The following AKAP13 variants were observed in gnomAD, a reference collection of about 807,000 sequenced individuals.
The protein encoded by AKAP13 is A-kinase anchor protein 13.
AKAP13 carries 80 observed loss-of-function variants against 264.5 expected under a neutral mutation model. The ratio of observed to expected loss-of-function variants is 0.30; its 90% CI spans 0.25 to 0.36. The LOEUF (loss-of-function observed/expected upper bound fraction) is 0.36. AKAP13 is among the 10% of genes least tolerant of loss of function. AKAP13 has a pLI of 1.00. For synonymous variants in AKAP13, 1,380 were observed against 1,250.2 expected (o/e 1.10, Z -2.19); for missense variants, 3,712 against 3,435.2 (o/e 1.08, Z -2.01).
At chr15:85,474,352 C>A (rs1199474022) in intron 1 of AKAP13, among the ~76,000 whole-genome samples, 3 of 152,216 alleles carry the variant, frequency 2.0e-5, no homozygotes, top group African/African-American at 7.2e-5. Flanking sequence ...CATGTTGTCA[C>A]AAGTTCTGTA....
chr15:85,729,027 T>A (rs181800754), intron 29 of AKAP13, among the ~76,000 whole-genome samples: 2 of 151,950 alleles, frequency 1.3e-5, no homozygotes, highest in Non-Finnish European at 2.9e-5. Flanking sequence ...TTGGCCAGGC[T>A]CGGTGGCTCA....
At chr15:85,697,719 A>C (rs1172109500) in intron 17 of AKAP13, among the ~76,000 whole-genome samples, 1 of 152,228 alleles carries the variant, frequency 6.6e-6, no homozygotes, top group Non-Finnish European at 1.5e-5. Context: ...GATTTTTTCA[A>C]ATATTTCAGC....
At position 85,437,098 on chromosome 15, in the gene AKAP13, G is replaced by A. The variant is rs370848331; in HGVS notation, c.-11-48612G>A. Among the ~76,000 whole-genome samples, 21 of 147,270 alleles carry A rather than the reference G, an allele frequency of 1.4e-4. No individual in the cohort carries two copies. In the East Asian group the frequency reaches 3.6e-3, roughly 25 times the overall value. ...CAAGACTAATAAAGAAAAAAAGAGA[G>A]AAGAATCAAATAGACACAATAAAAA... On this transcript the variant is annotated intron_variant, in intron 1 of 36. Transcript: ENST00000394518.
intron 8 of AKAP13, among the ~76,000 whole-genome samples, chr15:85,637,929 G>A (rs1401636860): frequency 6.9e-6 from 1 of 144,574 alleles, no homozygotes; most frequent in Non-Finnish European, 1.5e-5. Context: ...AGGCTGGAGT[G>A]CAGTGGCGCG....
At chr15:85,621,247 A>C (rs994136088) in intron 8 of AKAP13, 3 of 152,246 alleles carry the variant, frequency 2.0e-5, no homozygotes, top group Non-Finnish European at 4.4e-5. Flanking sequence ...TGGGCAGGGC[A>C]CTAGGTAGAG....
At chr15:85,560,147 A>C (rs974640738) in intron 5 of AKAP13, among the ~76,000 whole-genome samples, 125 of 151,500 alleles carry the variant, frequency 8.3e-4, no homozygotes, top group Non-Finnish European at 1.7e-3. Flanking sequence ...AAAAAAAAAA[A>C]AAAAAAAAAA....
intron 2 of AKAP13, among the ~76,000 whole-genome samples, chr15:85,494,121 C>G (rs969186272): frequency 1.3e-5 from 2 of 152,160 alleles, no homozygotes; most frequent in Non-Finnish European, 2.9e-5. Context: ...CTTATATGCC[C>G]AATTCCTCTG....
chr15:85,659,321 GT>G, intron 12 of AKAP13, among the ~76,000 whole-genome samples: 1 of 152,248 alleles, frequency 6.6e-6, no homozygotes, highest in Non-Finnish European at 1.5e-5. Context: ...AAAAATTAGG[GT>G]TATATTACTG....
intron 2 of AKAP13, among the ~76,000 whole-genome samples, chr15:85,493,445 G>T (rs1316276512): frequency 6.6e-6 from 1 of 152,130 alleles, no homozygotes; most frequent in African/African-American, 2.4e-5. Context: ...TGGCCAACAG[G>T]GAAATGAAGG....
chr15:85,649,601 G>T (rs2082713211), intron 10 of AKAP13, among the ~76,000 whole-genome samples: 1 of 152,134 alleles, frequency 6.6e-6, no homozygotes, highest in Non-Finnish European at 1.5e-5. Flanking sequence ...CCTCACAGAG[G>T]TCTTTAACAG....
chr15:85,696,595 G>A (rs560481488), intron 17 of AKAP13, among the ~76,000 whole-genome samples: 8 of 152,164 alleles, frequency 5.3e-5, no homozygotes, highest in Middle Eastern at 3.4e-3. Context: ...TCAGAAAAAC[G>A]GGAAGAGGCT....
At chr15:85,437,626 T>A (rs1170231665) in intron 1 of AKAP13, among the ~76,000 whole-genome samples, 2 of 152,164 alleles carry the variant, frequency 1.3e-5, no homozygotes, top group Non-Finnish European at 2.9e-5. Context: ...TCCGCCATGA[T>A]CAAGTGGGCT....
intron 5 of AKAP13, among the ~76,000 whole-genome samples, chr15:85,547,241 C>G (rs566369863): frequency 6.6e-6 from 1 of 152,280 alleles, no homozygotes; most frequent in Non-Finnish European, 1.5e-5. Context: ...TTATTTAACC[C>G]CATTTATAGC....
At chr15:85,529,843 C>A (rs1194688754) in intron 3 of AKAP13, among the ~76,000 whole-genome samples, 3 of 152,164 alleles carry the variant, frequency 2.0e-5, no homozygotes, top group African/African-American at 7.2e-5. Flanking sequence ...TCTTTTAACC[C>A]TCAGGTTTTC....
intron 1 of AKAP13, among the ~76,000 whole-genome samples, chr15:85,429,101 T>C (rs1358266285): frequency 6.6e-6 from 1 of 152,208 alleles, no homozygotes; most frequent in Admixed American, 6.5e-5. Context: ...TGTTTGACTT[T>C]TATGACCACA....
chr15:85,730,249 G>C (rs1374225836), intron 29 of AKAP13, among the ~76,000 whole-genome samples: 2 of 152,218 alleles, frequency 1.3e-5, no homozygotes, highest in Non-Finnish European at 2.9e-5. Context: ...GTAAACAGGG[G>C]ACACGGGAGT....
At chr15:85,625,135 G>A (rs1387267357) in intron 8 of AKAP13, among the ~76,000 whole-genome samples, 1 of 152,186 alleles carries the variant, frequency 6.6e-6, no homozygotes, top group African/African-American at 2.4e-5. Flanking sequence ...AGATGTAGAT[G>A]TTTAATGGTA....
chr15:85,513,760 T>A (rs538342574), intron 2 of AKAP13, among the ~76,000 whole-genome samples: 1 of 149,954 alleles, frequency 6.7e-6, no homozygotes, highest in South Asian at 2.1e-4. Flanking sequence ...GTCCACACCC[T>A]TTCTTTATCT....
intron 1 of AKAP13, among the ~76,000 whole-genome samples, chr15:85,395,845 A>G (rs905061837): frequency 6.6e-6 from 1 of 152,036 alleles, no homozygotes; most frequent in African/African-American, 2.4e-5. Flanking sequence ...CACTGAATAG[A>G]TGGGGTAATG....
Sources: gnomAD v4.1 joint callset for allele counts (sites outside exome capture counted in the v4.1 genomes callset) on GRCh38, gnomAD v4.1.1 for gene constraint, MANE v1.5 for transcripts, NCBI Gene and HGNC (gene_info 2026-07-23, HGNC 2026-07-21) for gene names.